KIF26B: variants seen among roughly 807,000 people sequenced by gnomAD.
The protein encoded by KIF26B is kinesin-like protein KIF26B.
KIF26B carries 63 observed loss-of-function variants against 151.2 expected under a neutral mutation model. That is an observed-to-expected ratio of 0.42 (90% CI 0.34 to 0.51). The LOEUF (loss-of-function observed/expected upper bound fraction) is 0.51, where lower values mean the gene tolerates loss of function less well. Among genes scored for constraint, KIF26B ranks in the 20% least tolerant of loss-of-function variants. The pLI, the probability that KIF26B is intolerant of heterozygous loss-of-function variation, is 0.07. For synonymous variants in KIF26B, 1,357 were observed against 1,262.1 expected (o/e 1.08, Z -1.59); for missense variants, 2,813 against 2,913.6 (o/e 0.97, Z 0.79).
intron 2 of KIF26B, among the ~76,000 whole-genome samples, chr1:245,306,788 A>G (rs1573765215): frequency 6.6e-6 from 1 of 152,134 alleles, no homozygotes; most frequent in Non-Finnish European, 1.5e-5. Flanking sequence ...GCCTTGCGTT[A>G]TATTTATTTC....
In KIF26B at chr1:245,241,295, C is replaced by G. The variant is rs953175339; in HGVS notation, c.465+84612C>G. 1.3e-5 allele frequency among the ~76,000 whole-genome samples: 2 copies of G among 152,072 alleles called. No homozygotes were observed. Among genetic ancestry groups the G allele is most frequent in the African/African-American group, 2.4e-5 (1 of 41,418 alleles). On this transcript the variant is annotated intron_variant, in intron 2 of 14. Coordinates refer to ENST00000407071, the MANE Select transcript of KIF26B (RefSeq NM_018012.4). The surrounding 1 kb of genome is among the most constrained non-coding windows in gnomAD (Gnocchi z 5.0). ...ACCACGAAGCCAGAGGGTGCCCCGA[C>G]AGAGGAAAAGCGGCCGGTGGGTTTT...
intron 2 of KIF26B, among the ~76,000 whole-genome samples, chr1:245,215,966 A>T: frequency 6.6e-6 from 1 of 152,072 alleles, no homozygotes; most frequent in Non-Finnish European, 1.5e-5. Flanking sequence ...AGTGGTGAGC[A>T]CCTGTTGTCC....
At chr1:245,661,827 T>G (rs1316503854) in intron 10 of KIF26B, among the ~76,000 whole-genome samples, 1 of 114,516 alleles carries the variant, frequency 8.7e-6, no homozygotes, top group Non-Finnish European at 1.9e-5. Context: ...ATGATATATA[T>G]ATTACACACA....
chr1:245,615,798 G>A (rs965334895), intron 9 of KIF26B, among the ~76,000 whole-genome samples: 7 of 152,190 alleles, frequency 4.6e-5, no homozygotes, highest in Non-Finnish European at 8.8e-5. Context: ...AAAGGATCCC[G>A]GCCAGAATGC....
chr1:245,377,745 G>C (rs1673312458), intron 3 of KIF26B, among the ~76,000 whole-genome samples: 2 of 152,272 alleles, frequency 1.3e-5, no homozygotes, highest in Non-Finnish European at 2.9e-5. Context: ...TCTGAAGAAG[G>C]AGCAGGTGCA....
chr1:245,661,506 AC>A (rs775804975), intron 10 of KIF26B, among the ~76,000 whole-genome samples: 6 of 151,712 alleles, frequency 4.0e-5, no homozygotes, highest in African/African-American at 1.5e-4. Flanking sequence ...CATTATATAC[AC>A]CATATATATT....
chr1:245,354,803 G>C (rs139892611), intron 2 of KIF26B, among the ~76,000 whole-genome samples: 13 of 152,364 alleles, frequency 8.5e-5, no homozygotes, highest in South Asian at 4.1e-4. Context: ...TTGCCCTCCT[G>C]CATCGAGATT....
chr1:245,176,356 T>A (rs994993719), intron 2 of KIF26B, among the ~76,000 whole-genome samples: 1 of 152,164 alleles, frequency 6.6e-6, no homozygotes, highest in African/African-American at 2.4e-5. Flanking sequence ...TAGTGTCAGA[T>A]CTATGAAGGT....
Position 245,244,843 on chromosome 1 carries a change from C to T in KIF26B, c.465+88160C>T, listed in dbSNP as rs530357408. ...CTAGTCCTCCTGTTATTCCTATGAA[C>T]GATTCCTTCTGTTCTTCTAAGTCCC... On this transcript the variant is annotated intron_variant, in intron 2 of 14. Transcript: ENST00000407071. The surrounding 1 kb of genome is among the most constrained non-coding windows in gnomAD (Gnocchi z 4.2). 8.6e-5 allele frequency among the ~76,000 whole-genome samples: 13 copies of T among 151,298 alleles called. No homozygotes were observed. Among genetic ancestry groups the T allele is most frequent in the South Asian group, 2.1e-4 (1 of 4,782 alleles).
intron 2 of KIF26B, among the ~76,000 whole-genome samples, chr1:245,291,667 T>C (rs978420913): frequency 1.1e-4 from 17 of 151,872 alleles, no homozygotes; most frequent in Admixed American, 1.1e-3. Flanking sequence ...AAGATGGATG[T>C]TTGACTAGAA....
At chr1:245,347,576 C>G (rs768470044) in intron 2 of KIF26B, among the ~76,000 whole-genome samples, 2 of 152,188 alleles carry the variant, frequency 1.3e-5, no homozygotes, top group Admixed American at 1.3e-4. Flanking sequence ...CCTGTCTCCC[C>G]CTAAACGGAT....
At chr1:245,220,948 A>G (rs1669754793) in intron 2 of KIF26B, among the ~76,000 whole-genome samples, 1 of 152,148 alleles carries the variant, frequency 6.6e-6, no homozygotes, top group South Asian at 2.1e-4. Flanking sequence ...GGGATCGGGA[A>G]GGAGCAGGCC....
intron 3 of KIF26B, among the ~76,000 whole-genome samples, chr1:245,415,692 T>C (rs1174689591): frequency 2.0e-5 from 3 of 152,172 alleles, no homozygotes; most frequent in Non-Finnish European, 4.4e-5. Context: ...TAATGGAAGT[T>C]GCTTTTGGAG....
rs760707837 is a variant in KIF26B, at chr1:245,685,824, C to T, written c.2841C>T (p.Phe947=). 5.7e-5 allele frequency: 92 copies of T among 1,610,878 alleles called. No homozygotes were observed. The highest frequency in any genetic ancestry group is 2.0e-4 in the East Asian group (9 of 44,802). ...GCGAGGAGCCCAGCAGCTTTCCTTT[C>T]GAAGAACTGCCTGCTCAGTTTGGGC... ...DGSEEPSSFP[F]EELPAQFGPE... is the part of the protein sequence containing the mutation. The change falls in exon 12 of 15, where the codon TTC becomes TTT. Residue 947 remains phenylalanine (F), a synonymous_variant. Transcript: ENST00000407071.
At chr1:245,203,428 C>A (rs968094048) in intron 2 of KIF26B, among the ~76,000 whole-genome samples, 1 of 152,078 alleles carries the variant, frequency 6.6e-6, no homozygotes, top group African/African-American at 2.4e-5. Flanking sequence ...GGTTTTCATT[C>A]AACAGATATC....
At chr1:245,648,319 G>A (rs1175393792) in intron 10 of KIF26B, among the ~76,000 whole-genome samples, 1 of 152,158 alleles carries the variant, frequency 6.6e-6, no homozygotes, top group African/African-American at 2.4e-5. Flanking sequence ...TTTAGTTAGA[G>A]TTGGGTTTTT....
At chr1:245,443,767 C>T (rs374349887) in intron 4 of KIF26B, among the ~76,000 whole-genome samples, 7 of 63,114 alleles carry the variant, frequency 1.1e-4, no homozygotes, top group Non-Finnish European at 1.5e-4. Context: ...GGTCATCTCC[C>T]TCACTGTTCA....
chr1:245,359,874 CTT>C (rs766845350), intron 2 of KIF26B, among the ~76,000 whole-genome samples: 4 of 139,580 alleles, frequency 2.9e-5, no homozygotes, highest in African/African-American at 5.5e-5. Flanking sequence ...TTCTTTCTTT[CTT>C]TTTTTTTTTT....
chr1:245,374,799 A>T (rs1268478808), intron 3 of KIF26B, among the ~76,000 whole-genome samples: 1 of 152,238 alleles, frequency 6.6e-6, no homozygotes, highest in African/African-American at 2.4e-5. Context: ...GGTCATGGAC[A>T]CACATTTCTC....
Sources: allele counts gnomAD v4.1 joint callset (sites outside exome capture counted in the v4.1 genomes callset), GRCh38; gene constraint gnomAD v4.1.1; non-coding constraint Gnocchi (gnomAD v3.1); transcripts MANE v1.5; gene names NCBI Gene and HGNC (gene_info 2026-07-23, HGNC 2026-07-21).